FBXO4: variants seen among roughly 807,000 people sequenced by gnomAD.
FBXO4 encodes the protein F-box only protein 4.
In FBXO4, 36 loss-of-function variants were observed where a neutral mutation model predicts 43.7. That is an observed-to-expected ratio of 0.82 (90% CI 0.63 to 1.09). The LOEUF is 1.09. Among genes scored for constraint, FBXO4 ranks in the 50% least tolerant of loss-of-function variants. FBXO4 has a pLI of 0.00. For missense variants in FBXO4, 435 were observed against 474.1 expected (o/e 0.92, Z 0.77); for synonymous variants, 180 against 165.6 (o/e 1.09, Z -0.67).
the FBXO4 span, among the ~76,000 whole-genome samples, chr5:41,978,456 CAG>C: frequency 6.6e-6 from 1 of 151,966 alleles, no homozygotes; most frequent in Admixed American, 6.5e-5. Context: ...AAGAAGAAAA[CAG>C]AAAAGAATTT....
chr5:41,950,508 G>A, the FBXO4 span, among the ~76,000 whole-genome samples: 89 of 152,112 alleles, frequency 5.9e-4, no homozygotes, highest in Non-Finnish European at 1.1e-3. Flanking sequence ...CAAAACCACA[G>A]TGAGATACCA....
At chr5:41,934,633 A>T in intron 5 of FBXO4, 1 of 1,147,954 alleles carries the variant, frequency 8.7e-7, no homozygotes, top group Admixed American at 4.3e-5. Context: ...TACTAGAGCT[A>T]TACAATATTT....
chr5:41,938,941 A>AG (rs140672074), intron 5 of FBXO4, among the ~76,000 whole-genome samples: 20,545 of 152,278 alleles, frequency 0.13, 2,348 homozygotes, highest in African/African-American at 0.31. Flanking sequence ...TCACCTGATT[A>AG]GTCAGGCTCA....
the FBXO4 span, among the ~76,000 whole-genome samples, chr5:41,955,409 C>T: frequency 4.0e-5 from 6 of 151,806 alleles, no homozygotes; most frequent in African/African-American, 1.2e-4. Context: ...TACACATAAA[C>T]AACAAAAAAA....
chr5:41,935,198 C>G, intron 5 of FBXO4: 3 of 914,128 alleles, frequency 3.3e-6, no homozygotes, highest in Non-Finnish European at 3.9e-6. Context: ...TTCCAATCTG[C>G]TCCTATAAAA....
the FBXO4 span, among the ~76,000 whole-genome samples, chr5:42,011,647 A>G: frequency 6.6e-6 from 1 of 152,180 alleles, no homozygotes; most frequent in African/African-American, 2.4e-5. Context: ...TCTCATTATT[A>G]TAAGAAACTA....
chr5:42,010,375 G>T, the FBXO4 span, among the ~76,000 whole-genome samples: 1 of 152,028 alleles, frequency 6.6e-6, no homozygotes, highest in African/African-American at 2.4e-5. Flanking sequence ...GGGCATGGTA[G>T]CACGTGCCTG....
the FBXO4 span, among the ~76,000 whole-genome samples, chr5:42,027,051 G>C: frequency 6.6e-6 from 1 of 151,810 alleles, no homozygotes; most frequent in African/African-American, 2.4e-5. Flanking sequence ...TCGGGGTAAT[G>C]CTGGCCTCAT....
At chr5:41,961,270 GC>G in the FBXO4 span, among the ~76,000 whole-genome samples, 2,199 of 152,226 alleles carry the variant, frequency 0.014, 61 homozygotes, top group African/African-American at 0.05. Context: ...GATGGTGATG[GC>G]TGCTAAGGTC....
At chr5:41,955,153 C>A in the FBXO4 span, among the ~76,000 whole-genome samples, 1 of 152,156 alleles carries the variant, frequency 6.6e-6, no homozygotes, top group Non-Finnish European at 1.5e-5. Flanking sequence ...TACTTTCACA[C>A]ATCTCTAAGC....
chr5:41,961,543 G>A, the FBXO4 span, among the ~76,000 whole-genome samples: 3 of 152,180 alleles, frequency 2.0e-5, no homozygotes, highest in Non-Finnish European at 4.4e-5. Context: ...TGATGTGCAG[G>A]TGCTTGTGCA....
At chr5:42,019,058 C>T in the FBXO4 span, among the ~76,000 whole-genome samples, 1 of 152,092 alleles carries the variant, frequency 6.6e-6, no homozygotes, top group Non-Finnish European at 1.5e-5. Context: ...ATTAGTTTAA[C>T]TGAAGAATTG....
the FBXO4 span, among the ~76,000 whole-genome samples, chr5:41,999,304 C>A: frequency 6.7e-6 from 1 of 149,730 alleles, no homozygotes; most frequent in Non-Finnish European, 1.5e-5. Flanking sequence ...AGAACTCCAT[C>A]CTTAGTATTC....
At chr5:41,970,513 T>C in the FBXO4 span, among the ~76,000 whole-genome samples, 1 of 151,936 alleles carries the variant, frequency 6.6e-6, no homozygotes, top group Non-Finnish European at 1.5e-5. Flanking sequence ...AGAGGAAATA[T>C]TAATTGGTGT....
chr5:42,022,129 T>C, the FBXO4 span, among the ~76,000 whole-genome samples: 2 of 152,162 alleles, frequency 1.3e-5, no homozygotes, highest in African/African-American at 4.8e-5. Flanking sequence ...TGTGGGACTC[T>C]AGGTCCACTG....
chr5:41,939,693 ATCT>A (rs1404130531), intron 6 of FBXO4, 77 bp downstream of exon 6: 1 of 1,206,700 alleles, frequency 8.3e-7, no homozygotes, highest in Non-Finnish European at 1.1e-6. Flanking sequence ...TTTTAAATTC[ATCT>A]TCTTTAATGA....
At chr5:42,006,100 T>C in the FBXO4 span, among the ~76,000 whole-genome samples, 1 of 152,126 alleles carries the variant, frequency 6.6e-6, no homozygotes, top group Non-Finnish European at 1.5e-5. Flanking sequence ...GGTGCACAGA[T>C]ACAAAAGCTT....
chr5:41,949,937 C>G, the FBXO4 span, among the ~76,000 whole-genome samples: 1 of 152,128 alleles, frequency 6.6e-6, no homozygotes, highest in Non-Finnish European at 1.5e-5. Flanking sequence ...TGATCTTTGA[C>G]AAACCTGACA....
the FBXO4 span, among the ~76,000 whole-genome samples, chr5:42,012,666 G>A: frequency 6.6e-6 from 1 of 152,110 alleles, no homozygotes; most frequent in African/African-American, 2.4e-5. Context: ...TTCGGTGGCT[G>A]GGCTGCTTGT....
Sources: gnomAD v4.1 joint callset for allele counts (sites outside exome capture counted in the v4.1 genomes callset) on GRCh38, gnomAD v4.1.1 for gene constraint, MANE v1.5 for transcripts, NCBI Gene and HGNC (gene_info 2026-07-23, HGNC 2026-07-21) for gene names.